Variants in ME2 observed in about 807,000 individuals in gnomAD.
ME2 encodes the protein malic enzyme 2, also known as NAD-dependent malic enzyme, mitochondrial.
A neutral mutation model predicts 73.7 loss-of-function variants in ME2; 60 were observed. The ratio of observed to expected loss-of-function variants is 0.81; its 90% CI spans 0.66 to 1.01. The LOEUF (loss-of-function observed/expected upper bound fraction) is 1.01. ME2 is among the 50% of genes least tolerant of loss of function. The pLI, the probability that ME2 is intolerant of heterozygous loss-of-function variation, is 0.00. For synonymous variants in ME2, 199 were observed against 236.9 expected (o/e 0.84, Z 1.47); for missense variants, 594 against 705.5 (o/e 0.84, Z 1.79).
intron 13 of ME2, among the ~76,000 whole-genome samples, chr18:50,936,511 C>T (rs2144262759): frequency 6.6e-6 from 1 of 152,240 alleles, no homozygotes; most frequent in East Asian, 1.9e-4. Flanking sequence ...AAACAAACAT[C>T]ACATGGGATT....
rs1285026124 is a variant in ME2 at position 50,912,858 on chromosome 18, G to A, written c.300G>A (p.Leu100=). 1.2e-6 allele frequency: 2 copies of A among 1,608,512 alleles called. No individual in the cohort carries two copies. Among genetic ancestry groups the A allele is most frequent in the Non-Finnish European group, 1.7e-6 (2 of 1,176,076 alleles). ...ATGAGAAATTGTTTTATAGAATACT[G>A]CAAGATGACATTGAGAGTTTAATGC... The part of the protein sequence containing the change: ...ERNEKLFYRI[L]QDDIESLMPI... Residue 100 remains leucine (L), a synonymous_variant, in exon 4 of 16, where the codon CTG becomes CTA. Transcript: ENST00000321341.
rs564836128 is a variant in ME2 at position 50,901,338 on chromosome 18, T to C, written c.108+5410T>C. 1.0e-3 allele frequency among the ~76,000 whole-genome samples: 155 copies of C among 152,326 alleles called. 1 individual carries two copies. Among genetic ancestry groups the C allele is most frequent in the African/African-American group, 3.7e-3 (153 of 41,584 alleles). ...AATCAGTATTAAAGAGTCTGATTTGTATTAAAGAGTTGTTTTAGTCTTAGA... is the reference window on the plus strand; with the variant it reads ...AATCAGTATTAAAGAGTCTGATTTGCATTAAAGAGTTGTTTTAGTCTTAGA... On this transcript the variant is annotated intron_variant, in intron 2 of 15. Transcript: ENST00000321341.
chr18:50,912,682 A>G (rs1381485905), intron 3 of ME2, 119 bp from the exon 4 acceptor site: 2 of 848,480 alleles, frequency 2.4e-6, no homozygotes, highest in Non-Finnish European at 3.3e-6. Context: ...TTTTTTTAGA[A>G]TGTGATGTGA....
rs141657530 is a variant in ME2, at chr18:50,923,713, C to T, written c.1057-385C>T. On this transcript the variant is annotated intron_variant, in intron 10 of 15. Coordinates refer to ENST00000321341, the MANE Select transcript of ME2 (RefSeq NM_002396.5). ...GGCTGCCACTGCACTCAAGTCTGGG[C>T]GACAGAGTGATACCCCATTTCAAAA... 2.1e-4 allele frequency among the ~76,000 whole-genome samples: 32 copies of T among 152,086 alleles called. No homozygotes were observed. In the East Asian group the frequency reaches 3.9e-3, roughly 18 times the overall value.
chr18:50,950,497 A>T lies in ME2; in HGVS notation c.*3313A>T, dbSNP rs67766350. 4 of 101,510 alleles carry T rather than the reference A, an allele frequency of 3.9e-5. No individual in the cohort carries two copies. The highest frequency in any genetic ancestry group is 7.4e-5 in the Non-Finnish European group (4 of 54,138). 6.3% of individuals were successfully genotyped at this position (101,510 alleles called of 1,614,324 possible). A position where few individuals can be genotyped will look rare whatever the true frequency, so the allele number is the denominator to read the frequency against. On this transcript the variant is annotated 3_prime_UTR_variant, in exon 16 of 16. Transcript: ENST00000321341. ...TTTTTTTTTTTTTTTTTTTTTTTTA[A>T]ACAGGGTCTCTTTCTTTTTCCTTTC...
At position 50,931,138 on chromosome 18, in the gene ME2, C is replaced by T. The variant is rs73960348; in HGVS notation, c.1315-1120C>T. The stretch of plus-strand genomic sequence containing the variant: ...AAAGAATAATAACACAATTAATTCT[C>T]TTAGAAATACTGAATATGCCAGTAA... On this transcript the variant is annotated intron_variant, in intron 12 of 15. Transcript: ENST00000321341. Among the ~76,000 whole-genome samples, 947 of 152,318 alleles carry T rather than the reference C, an allele frequency of 6.2e-3. 14 individuals carry two copies. Among genetic ancestry groups the T allele is most frequent in the African/African-American group, 0.021 (886 of 41,572 alleles).
At chr18:50,927,735 T>G (rs1917591582) in intron 12 of ME2, among the ~76,000 whole-genome samples, 2 of 127,770 alleles carry the variant, frequency 1.6e-5, no homozygotes, top group African/African-American at 7.0e-5. Flanking sequence ...TATATATATA[T>G]ATATATATAT....
chr18:50,927,479 T>C (rs1021563535), intron 12 of ME2, among the ~76,000 whole-genome samples: 1 of 151,820 alleles, frequency 6.6e-6, no homozygotes, highest in Non-Finnish European at 1.5e-5. Context: ...GGTGGGCAGA[T>C]CACGAGGTCA....
rs57428974 is a variant in ME2 at position 50,941,353 on chromosome 18, C to CTTTTTTTTTTTTTT, written c.1587+985_1587+998dup. Among the ~76,000 whole-genome samples the CTTTTTTTTTTTTTT allele has an allele frequency of 1.1e-3, 70 of 63,846 alleles. 15 individuals are homozygous for CTTTTTTTTTTTTTT. Among genetic ancestry groups the CTTTTTTTTTTTTTT allele is most frequent in the African/African-American group, 2.5e-3 (31 of 12,428 alleles). 41.9% of individuals were successfully genotyped at this position (63,846 alleles called of 152,430 possible). A position where few individuals can be genotyped will look rare whatever the true frequency, so the allele number is the denominator to read the frequency against. ...TCTTTGTGTGTATTTGTGATGGTTT[C>CTTTTTTTTTTTTTT]TTTTTTTTTTTTTTTTTTTTTTTTT... On this transcript the variant is annotated intron_variant, in intron 15 of 15. Transcript: ENST00000321341.
chr18:50,927,315 C>T (rs1917574806), intron 12 of ME2, among the ~76,000 whole-genome samples: 1 of 152,098 alleles, frequency 6.6e-6, no homozygotes, highest in African/African-American at 2.4e-5. Context: ...AAATCTGATA[C>T]ATTTTTTTAA....
intron 1 of ME2, among the ~76,000 whole-genome samples, chr18:50,883,977 CCTT>C (rs1916391952): frequency 1.3e-5 from 2 of 152,320 alleles, no homozygotes; most frequent in African/African-American, 2.4e-5. Flanking sequence ...CTATAGTTCT[CCTT>C]CTGTCATCTT....
chr18:50,890,711 T>C (rs1916588689), intron 1 of ME2, among the ~76,000 whole-genome samples: 1 of 152,204 alleles, frequency 6.6e-6, no homozygotes, highest in Non-Finnish European at 1.5e-5. Context: ...CTGCCTTTCT[T>C]GTAAAAGCAT....
Position 50,952,722 on chromosome 18 carries a change from C to G in ME2, c.*5538C>G, listed in dbSNP as rs1376106035. The G allele has an allele frequency of 6.6e-6, 1 of 152,112 alleles. No homozygotes were observed. The highest frequency in any genetic ancestry group is 1.9e-4 in the East Asian group (1 of 5,200). 9.4% of individuals were successfully genotyped at this position (152,112 alleles called of 1,614,324 possible). On this transcript the variant is annotated 3_prime_UTR_variant, in exon 16 of 16. Coordinates refer to ENST00000321341, the MANE Select transcript of ME2 (RefSeq NM_002396.5). ...GTTCTAGAAAAGTAATTTTTCCTTTCCTAGTTTTAAGTATATATTCAAGCA... is the reference window on the plus strand; with the variant it reads ...GTTCTAGAAAAGTAATTTTTCCTTTGCTAGTTTTAAGTATATATTCAAGCA...
At chr18:50,941,564 G>A (rs552875377) in intron 15 of ME2, among the ~76,000 whole-genome samples, 5 of 150,572 alleles carry the variant, frequency 3.3e-5, no homozygotes, top group East Asian at 4.0e-4. Flanking sequence ...TAGTAGAGAC[G>A]GGGTTTCACC....
chr18:50,914,174 C>G (rs542785409), intron 4 of ME2, among the ~76,000 whole-genome samples: 1 of 152,152 alleles, frequency 6.6e-6, no homozygotes, highest in Non-Finnish European at 1.5e-5. Context: ...TTAGTGAGCA[C>G]CCTCAGTGAT....
rs1028124081 is a variant in ME2 at position 50,952,712 on chromosome 18, T to A, written c.*5528T>A. 2 of 152,208 alleles carry A rather than the reference T, an allele frequency of 1.3e-5. No homozygotes were observed. Among genetic ancestry groups the A allele is most frequent in the Non-Finnish European group, 2.9e-5 (2 of 68,034 alleles). 9.4% of individuals were successfully genotyped at this position (152,208 alleles called of 1,614,324 possible). A position where few individuals can be genotyped will look rare whatever the true frequency, so the allele number is the denominator to read the frequency against. On this transcript the variant is annotated 3_prime_UTR_variant, in exon 16 of 16. Coordinates refer to ENST00000321341, the MANE Select transcript of ME2 (RefSeq NM_002396.5). ...TTTCTTTTATGTTCTAGAAAAGTAATTTTTCCTTTCCTAGTTTTAAGTATA... is the reference window on the plus strand; with the variant it reads ...TTTCTTTTATGTTCTAGAAAAGTAAATTTTCCTTTCCTAGTTTTAAGTATA...
chr18:50,946,901 T>C (rs1918096318), intron 15 of ME2, 116 bp from the exon 16 acceptor site: 1 of 761,506 alleles, frequency 1.3e-6, no homozygotes, highest in Non-Finnish European at 2.2e-6. Flanking sequence ...TATTTTTTAC[T>C]GTGAAAAAAG....
At position 50,951,966 on chromosome 18, in the gene ME2, G is replaced by A. The variant is rs970433922; in HGVS notation, c.*4782G>A. ...GCTCTGGTGAGCCTATGTAATACTC[G>A]AGAACATTAATATAAACCCATAGCT... On this transcript the variant is annotated 3_prime_UTR_variant, in exon 16 of 16. Transcript: ENST00000321341. The A allele has an allele frequency of 6.8e-6, 1 of 147,062 alleles. No individual in the cohort carries two copies. The highest frequency in any genetic ancestry group is 1.5e-5 in the Non-Finnish European group (1 of 67,384). 9.1% of individuals were successfully genotyped at this position (147,062 alleles called of 1,614,324 possible). A position where few individuals can be genotyped will look rare whatever the true frequency, so the allele number is the denominator to read the frequency against.
At chr18:50,895,119 G>A (rs1916706360) in intron 1 of ME2, among the ~76,000 whole-genome samples, 1 of 151,896 alleles carries the variant, frequency 6.6e-6, no homozygotes, top group African/African-American at 2.4e-5. Context: ...CTGATTTTTG[G>A]TGAGATAATT....
Sources: allele counts gnomAD v4.1 joint callset (sites outside exome capture counted in the v4.1 genomes callset), GRCh38; gene constraint gnomAD v4.1.1; transcripts MANE v1.5; gene names NCBI Gene and HGNC (gene_info 2026-07-23, HGNC 2026-07-21).